Variants in LINGO2 observed in about 807,000 individuals in gnomAD.
LINGO2 encodes leucine-rich repeat and immunoglobulin-like domain-containing nogo receptor-interacting protein 2.
LINGO2 carries 14 observed loss-of-function variants against 30.6 expected under a neutral mutation model. The observed-to-expected ratio is 0.46, with a 90% CI of 0.30 to 0.72. The LOEUF is 0.72. LINGO2 is among the 30% of genes least tolerant of loss of function. The pLI, the probability that LINGO2 is intolerant of heterozygous loss-of-function variation, is 0.07. For synonymous variants in LINGO2, 317 were observed against 288.5 expected, an observed-to-expected ratio of 1.10 and a Z score of -1.00; for missense variants, 729 against 751.7, an observed-to-expected ratio of 0.97 and a Z score of 0.35.
intron 4 of LINGO2, among the ~76,000 whole-genome samples, chr9:28,036,232 A>G (rs1347675464): frequency 6.6e-6 from 1 of 152,232 alleles, no homozygotes; most frequent in African/African-American, 2.4e-5. Flanking sequence ...CAAACAGCCC[A>G]TCATCATGTA....
intron 5 of LINGO2, among the ~76,000 whole-genome samples, chr9:27,957,545 G>A (rs1475944503): frequency 6.6e-6 from 1 of 152,066 alleles, no homozygotes; most frequent in Non-Finnish European, 1.5e-5. Flanking sequence ...GCCCACCTTG[G>A]CCTCCCCAAA....
intron 4 of LINGO2, among the ~76,000 whole-genome samples, chr9:28,170,381 C>T (rs1828549888): frequency 6.6e-6 from 1 of 152,134 alleles, no homozygotes; most frequent in Non-Finnish European, 1.5e-5. Context: ...ATTATAGTGG[C>T]TATCCACTGA....
At chr9:28,049,223 A>C (rs1824560056) in intron 4 of LINGO2, among the ~76,000 whole-genome samples, 1 of 150,804 alleles carries the variant, frequency 6.6e-6, no homozygotes, top group African/African-American at 2.5e-5. Flanking sequence ...GCATGTGTTT[A>C]CTGAGCCGAT....
At chr9:28,687,052 A>G in the LINGO2 span, among the ~76,000 whole-genome samples, 32 of 152,218 alleles carry the variant, frequency 2.1e-4, no homozygotes, top group African/African-American at 7.2e-4. Context: ...GACAGAGGAG[A>G]TGGTAAAAAT....
intron 4 of LINGO2, among the ~76,000 whole-genome samples, chr9:28,247,617 G>C (rs72709330): frequency 0.13 from 20,469 of 152,136 alleles, 1,596 homozygotes; most frequent in African/African-American, 0.22. Context: ...CAAAGTGGGG[G>C]AGAGCATCAA....
the LINGO2 span, among the ~76,000 whole-genome samples, chr9:28,808,512 T>G: frequency 1.5e-4 from 23 of 152,218 alleles, no homozygotes; most frequent in African/African-American, 5.1e-4. Context: ...TGAGGAAAGC[T>G]CTAGCTTTAT....
chr9:28,404,066 C>G (rs1822389101), intron 2 of LINGO2, among the ~76,000 whole-genome samples: 1 of 152,034 alleles, frequency 6.6e-6, no homozygotes, highest in African/African-American at 2.4e-5. Flanking sequence ...CCCTTAAAAA[C>G]CAAGTAGAAG....
chr9:28,314,877 C>G lies in LINGO2; in HGVS notation c.-245-19511G>C, dbSNP rs535642553. On this transcript the variant is annotated intron_variant, in intron 3 of 5. Coordinates refer to ENST00000379992, the Ensembl canonical transcript of LINGO2. ...GCGGGCACCTGTAGTCCCAGCTACT[C>G]GGGAGGCTGAGGCAGGAGAATGGCG... 5.7e-4 allele frequency among the ~76,000 whole-genome samples: 86 copies of G among 151,274 alleles called. 2 individuals are homozygous for G. The South Asian group carries it at 0.017, about 30-fold the overall frequency.
chr9:28,561,790 G>A (rs1823098867), intron 1 of LINGO2, among the ~76,000 whole-genome samples: 2 of 96,178 alleles, frequency 2.1e-5, no homozygotes, highest in Admixed American at 1.1e-4. Flanking sequence ...TAAAAAATAT[G>A]CTACTAGAAC....
chr9:28,464,088 A>G (rs1825197191), intron 2 of LINGO2, among the ~76,000 whole-genome samples: 1 of 152,190 alleles, frequency 6.6e-6, no homozygotes. Context: ...TATTCTGTTC[A>G]GGGAAACGAC....
chr9:28,694,426 CA>C, the LINGO2 span, among the ~76,000 whole-genome samples: 601 of 152,034 alleles, frequency 4.0e-3, 6 homozygotes, highest in African/African-American at 0.014. Flanking sequence ...TCTGTATTAA[CA>C]ATTTCAGAAA....
At chr9:28,315,749 C>T (rs1160258678) in intron 3 of LINGO2, among the ~76,000 whole-genome samples, 1 of 152,066 alleles carries the variant, frequency 6.6e-6, no homozygotes, top group South Asian at 2.1e-4. Flanking sequence ...CAAGAAAATA[C>T]CAGAACTTCA....
At chr9:28,276,286 C>T (rs1823111267) in intron 4 of LINGO2, among the ~76,000 whole-genome samples, 1 of 152,152 alleles carries the variant, frequency 6.6e-6, no homozygotes, top group Non-Finnish European at 1.5e-5. Flanking sequence ...AAATGCTATG[C>T]ACACGTTGCC....
At chr9:28,995,684 G>T in the LINGO2 span, among the ~76,000 whole-genome samples, 57 of 152,258 alleles carry the variant, frequency 3.7e-4, no homozygotes, top group African/African-American at 1.3e-3. Flanking sequence ...GGAATACTAT[G>T]CAGCCATAAA....
chr9:28,374,610 C>T (rs1157879172), intron 2 of LINGO2, among the ~76,000 whole-genome samples: 6 of 152,020 alleles, frequency 3.9e-5, no homozygotes, highest in Admixed American at 1.3e-4. Context: ...ACCAGAGCCC[C>T]AAATAAGGAT....
intron 4 of LINGO2, among the ~76,000 whole-genome samples, chr9:28,139,093 G>A (rs1443526666): frequency 6.6e-6 from 1 of 152,300 alleles, no homozygotes. Flanking sequence ...AAAACTTAGA[G>A]CAGTGCTGCT....
chr9:29,141,720 C>A, the LINGO2 span, among the ~76,000 whole-genome samples: 2 of 151,676 alleles, frequency 1.3e-5, no homozygotes, highest in Non-Finnish European at 3.0e-5. Flanking sequence ...ATATTCCACA[C>A]AAATGTTAAC....
chr9:28,847,535 C>G, the LINGO2 span, among the ~76,000 whole-genome samples: 1 of 146,716 alleles, frequency 6.8e-6, no homozygotes, highest in Admixed American at 6.8e-5. Context: ...CCCCATGGAG[C>G]ATATCCAAGT....
chr9:28,873,998 T>C, the LINGO2 span, among the ~76,000 whole-genome samples: 291 of 152,036 alleles, frequency 1.9e-3, 1 homozygote, highest in Admixed American at 0.016. Flanking sequence ...ATTAAGTAAA[T>C]CTAATGTAAT....
Sources: gnomAD v4.1 joint callset for allele counts (sites outside exome capture counted in the v4.1 genomes callset) on GRCh38, gnomAD v4.1.1 for gene constraint, MANE v1.5 for transcripts, NCBI Gene and HGNC (gene_info 2026-07-23, HGNC 2026-07-21) for gene names.